PDE4B: variants seen among roughly 807,000 people sequenced by gnomAD.
PDE4B encodes the protein phosphodiesterase 4B, also known as 3',5'-cyclic-AMP phosphodiesterase 4B.
Under a neutral mutation model 82.2 loss-of-function variants are expected in PDE4B, and 20 were observed. The observed-to-expected ratio is 0.24, with a 90% CI of 0.17 to 0.35. The LOEUF (loss-of-function observed/expected upper bound fraction) is 0.35. Ranked by LOEUF, PDE4B falls within the 10% of genes least tolerant of loss-of-function variation. The pLI is 1.00. For synonymous variants in PDE4B, 320 were observed against 318.9 expected (o/e 1.00, Z -0.04); for missense variants, 655 against 907.2 (o/e 0.72, Z 3.57).
At chr1:66,257,476 G>T in intron 4 of PDE4B, 171 bp from the exon 5 acceptor site, 1 of 787,752 alleles carries the variant, frequency 1.3e-6, no homozygotes, top group East Asian at 2.4e-5. Context: ...TTCCTTTCAA[G>T]CTCTTGGAAT....
intron 3 of PDE4B, among the ~76,000 whole-genome samples, chr1:66,108,224 C>T (rs1392427506): frequency 1.3e-5 from 2 of 151,946 alleles, no homozygotes; most frequent in Admixed American, 6.6e-5. Flanking sequence ...ATCCCTGTCA[C>T]CTGCCCACCC....
At chr1:66,099,139 C>T (rs571166265) in intron 3 of PDE4B, among the ~76,000 whole-genome samples, 1 of 152,122 alleles carries the variant, frequency 6.6e-6, no homozygotes, top group South Asian at 2.1e-4. Flanking sequence ...AGGTATGGCC[C>T]CAGTGTATGT....
At chr1:66,327,444 TTTTATCATTTGAATTTTTG>T (rs1659820772) in intron 7 of PDE4B, among the ~76,000 whole-genome samples, 1 of 152,204 alleles carries the variant, frequency 6.6e-6, no homozygotes, top group African/African-American at 2.4e-5. Context: ...ATGTGAGATT[TTTTATCATTTGAATTTTTG>T]GCTTCTCTGC....
chr1:65,940,378 C>T (rs1648381431), intron 3 of PDE4B, among the ~76,000 whole-genome samples: 1 of 151,976 alleles, frequency 6.6e-6, no homozygotes, highest in Non-Finnish European at 1.5e-5. Flanking sequence ...TGCTTGTAGG[C>T]TATATTAAGG....
At chr1:66,090,621 A>ATATGTGTGTGTGTATGTGTGTG in intron 3 of PDE4B, among the ~76,000 whole-genome samples, 2 of 122,738 alleles carry the variant, frequency 1.6e-5, no homozygotes, top group African/African-American at 8.2e-5. Context: ...TATATAATAT[A>ATATGTGTGTGTGTATGTGTGTG]TGTGTGTGTG....
chr1:66,195,067 T>C (rs1648174452), intron 3 of PDE4B, among the ~76,000 whole-genome samples: 1 of 150,722 alleles, frequency 6.6e-6, no homozygotes, highest in South Asian at 2.1e-4. Flanking sequence ...TATTCATTTG[T>C]TGCAAATCTA....
At chr1:66,141,669 G>C (rs763678375) in intron 3 of PDE4B, among the ~76,000 whole-genome samples, 1 of 151,832 alleles carries the variant, frequency 6.6e-6, no homozygotes, top group Non-Finnish European at 1.5e-5. Flanking sequence ...AATACTTGCC[G>C]GGCCTATGAA....
At chr1:66,256,326 G>A (rs959571115) in intron 4 of PDE4B, among the ~76,000 whole-genome samples, 5 of 152,150 alleles carry the variant, frequency 3.3e-5, no homozygotes, top group Non-Finnish European at 5.9e-5. Context: ...CTGCTCTGTG[G>A]ATCGATGTCA....
intron 3 of PDE4B, among the ~76,000 whole-genome samples, chr1:65,989,916 G>T (rs1651156954): frequency 1.5e-5 from 2 of 130,328 alleles, no homozygotes; most frequent in Non-Finnish European, 3.2e-5. Flanking sequence ...TGGCAGTTTG[G>T]CTCTAAAAAC....
In PDE4B at chr1:66,201,023, A is replaced by G. The variant is rs1648881358; in HGVS notation, c.282-46437A>G. ...TTATTATTTTGAGATACATCCCATC[A>G]ATACCTAATTTATTGAGAGTTTTTG... On this transcript the variant is annotated intron_variant, in intron 3 of 16. Coordinates refer to ENST00000341517, the MANE Select transcript of PDE4B (RefSeq NM_002600.4). Among the ~76,000 whole-genome samples the G allele has an allele frequency of 2.0e-5, 3 of 152,300 alleles. No homozygotes were observed. The East Asian group carries it at 5.8e-4, about 29-fold the overall frequency.
intron 3 of PDE4B, among the ~76,000 whole-genome samples, chr1:66,174,991 A>G (rs935671502): frequency 2.0e-5 from 3 of 152,130 alleles, no homozygotes; most frequent in African/African-American, 4.8e-5. Flanking sequence ...ATCAAATCTC[A>G]TGAGCTGTCC....
intron 3 of PDE4B, among the ~76,000 whole-genome samples, chr1:66,178,030 TAAA>T (rs200574451): frequency 7.1e-6 from 1 of 141,830 alleles, no homozygotes. Flanking sequence ...TACTATTCCT[TAAA>T]AAAAAAAAAG....
At chr1:66,100,552 T>A (rs1042135917) in intron 3 of PDE4B, among the ~76,000 whole-genome samples, 1 of 152,170 alleles carries the variant, frequency 6.6e-6, no homozygotes, top group African/African-American at 2.4e-5. Flanking sequence ...ATCATAGATA[T>A]GTTTAAGTTT....
intron 3 of PDE4B, among the ~76,000 whole-genome samples, chr1:66,199,394 C>T (rs965768184): frequency 6.6e-6 from 1 of 152,116 alleles, no homozygotes; most frequent in Non-Finnish European, 1.5e-5. Context: ...TGTTTTTTGG[C>T]TGCATAAATG....
At chr1:66,051,778 C>T (rs1402684118) in intron 3 of PDE4B, among the ~76,000 whole-genome samples, 4 of 152,054 alleles carry the variant, frequency 2.6e-5, no homozygotes, top group Admixed American at 2.6e-4. Flanking sequence ...TTTTCTATAA[C>T]ATTTGATATG....
chr1:65,930,973 C>G (rs1488668518), intron 3 of PDE4B, among the ~76,000 whole-genome samples: 1 of 152,166 alleles, frequency 6.6e-6, no homozygotes, highest in African/African-American at 2.4e-5. Flanking sequence ...CAATTGTAAT[C>G]CCCAATGTTG....
At chr1:66,088,263 C>T (rs1644938479) in intron 3 of PDE4B, among the ~76,000 whole-genome samples, 1 of 151,842 alleles carries the variant, frequency 6.6e-6, no homozygotes, top group Non-Finnish European at 1.5e-5. Context: ...GAGAAGAGGG[C>T]TATTTATTTA....
chr1:65,968,441 T>G (rs1649964551), intron 3 of PDE4B, among the ~76,000 whole-genome samples: 1 of 152,098 alleles, frequency 6.6e-6, no homozygotes, highest in Non-Finnish European at 1.5e-5. Flanking sequence ...TCCCTGGCCT[T>G]GGGGTCCCTT....
chr1:65,952,160 A>T (rs1195709045), intron 3 of PDE4B, among the ~76,000 whole-genome samples: 5 of 152,076 alleles, frequency 3.3e-5, no homozygotes, highest in Non-Finnish European at 7.4e-5. Context: ...ATGTTTCAGT[A>T]AGCCTTCCAG....
Sources: allele counts gnomAD v4.1 joint callset (sites outside exome capture counted in the v4.1 genomes callset), GRCh38; gene constraint gnomAD v4.1.1; transcripts MANE v1.5; gene names NCBI Gene and HGNC (gene_info 2026-07-23, HGNC 2026-07-21).